NBAS: variants seen among roughly 807,000 people sequenced by gnomAD.
The protein encoded by NBAS is NAG/BC035112 fusion.
A neutral mutation model predicts 302.5 loss-of-function variants in NBAS; 219 were observed. The observed-to-expected ratio is 0.72, with a 90% CI of 0.65 to 0.81. The LOEUF (loss-of-function observed/expected upper bound fraction) is 0.81, where lower values mean the gene tolerates loss of function less well. Ranked by LOEUF, NBAS falls within the 30% of genes least tolerant of loss-of-function variation. NBAS has a pLI of 0.00. For synonymous variants in NBAS, 1,118 were observed against 1,021.6 expected (o/e 1.09, Z -1.80); for missense variants, 2,932 against 2,841.6 (o/e 1.03, Z -0.72).
chr2:14,934,935 G>A, the NBAS span, among the ~76,000 whole-genome samples: 7 of 152,132 alleles, frequency 4.6e-5, no homozygotes, highest in African/African-American at 1.7e-4. Context: ...TAGATCACAT[G>A]TATTTTTCTC....
Position 15,167,219 on chromosome 2 carries a change from G to A in NBAS, c.6945C>T (p.His2315=), listed in dbSNP as rs200477125. Reference sequence around the variant, plus strand: ...GCCCTTGCTGGAGGCTAGCCAAGAGGTGGTCAACAATACGTGGATAGAAGG... The same window carrying A: ...GCCCTTGCTGGAGGCTAGCCAAGAGATGGTCAACAATACGTGGATAGAAGG... ...STPFYPRIVD[H]LLASLQQGRW... is the part of the protein sequence containing the mutation. The change falls in exon 52 of 52, where the codon CAC becomes CAT. Residue 2315 remains histidine (H), a synonymous_variant. Coordinates refer to ENST00000281513, the MANE Select transcript of NBAS (RefSeq NM_015909.4). 3.0e-5 allele frequency: 49 copies of A among 1,614,274 alleles called. No individual in the cohort carries two copies. The East Asian group carries it at 1.1e-3, about 35-fold the overall frequency.
chr2:15,071,861 G>A, the NBAS span, among the ~76,000 whole-genome samples: 9 of 152,212 alleles, frequency 5.9e-5, no homozygotes, highest in South Asian at 8.3e-4. Context: ...TCTACACAGC[G>A]GCTTTTCCAC....
rs554270842 is a variant in NBAS at position 15,402,049 on chromosome 2, C to T, written c.3071+119G>A. The T allele has an allele frequency of 3.4e-4, 360 of 1,063,262 alleles. No homozygotes were observed. In the African/African-American group the frequency reaches 3.9e-3, roughly 12 times the overall value. The allele number at this position is 1,063,262 out of a possible 1,614,324, so 65.9% of individuals were successfully genotyped here. ...GGATTGCAGATAATTTTATTTTCTT[C>T]CTTATGTTTTTTTCACATTCCCAAA... On this transcript the variant is annotated intron_variant, in intron 26 of 51. Transcript: ENST00000281513.
chr2:15,496,062 G>T (rs750583940), intron 11 of NBAS, among the ~76,000 whole-genome samples: 4 of 148,852 alleles, frequency 2.7e-5, no homozygotes, highest in Non-Finnish European at 5.9e-5. Context: ...CACTGTGTGT[G>T]TGTATATATA....
At chr2:15,538,794 T>G (rs916644230) in intron 7 of NBAS, among the ~76,000 whole-genome samples, 5 of 152,224 alleles carry the variant, frequency 3.3e-5, no homozygotes, top group Non-Finnish European at 7.3e-5. Flanking sequence ...TCATAATATA[T>G]ATCAAAGGCA....
At chr2:15,248,729 T>A (rs1302627321) in intron 44 of NBAS, among the ~76,000 whole-genome samples, 1 of 152,220 alleles carries the variant, frequency 6.6e-6, no homozygotes, top group Non-Finnish European at 1.5e-5. Flanking sequence ...AATGGATAAA[T>A]TCCTGGACAC....
intron 21 of NBAS, among the ~76,000 whole-genome samples, chr2:15,439,179 T>G (rs996710438): frequency 2.0e-5 from 3 of 151,740 alleles, no homozygotes; most frequent in Admixed American, 2.0e-4. Context: ...GGCAGGCACC[T>G]GCAGTCCCAG....
chr2:15,379,896 G>A, intron 29 of NBAS, 65 bp from the exon 30 acceptor site: 3 of 1,462,872 alleles, frequency 2.1e-6, no homozygotes, highest in South Asian at 1.1e-5. Context: ...GTGAAATGAA[G>A]GCTCTGAAAT....
chr2:15,209,134 G>A (rs1317469525), intron 48 of NBAS, among the ~76,000 whole-genome samples: 2 of 152,072 alleles, frequency 1.3e-5, no homozygotes, highest in Non-Finnish European at 2.9e-5. Context: ...CAATACTGCA[G>A]AAACTCAAAG....
At chr2:15,353,733 A>C (rs960529012) in intron 33 of NBAS, 23 bp from the exon 34 acceptor site, 1 of 1,613,864 alleles carries the variant, frequency 6.2e-7, no homozygotes, top group Non-Finnish European at 8.5e-7. Context: ...CAAGGAAAAA[A>C]ATGATTCCCA....
rs747552842 is a variant in NBAS, at chr2:15,365,185, CTT to C, written c.3817+1393_3817+1394del. On this transcript the variant is annotated intron_variant, in intron 32 of 51. Transcript: ENST00000281513. ...CACAGTACGTAGCAGAAAAATATTA[CTT>C]TCTCTCTTCCCATTAAAAACTCATA... 1.3e-3 allele frequency among the ~76,000 whole-genome samples: 205 copies of C among 152,296 alleles called. 5 individuals carry two copies. Among genetic ancestry groups the C allele is most frequent in the Non-Finnish European group, 5.3e-4 (36 of 68,022 alleles).
At chr2:15,250,472 C>A (rs1035122620) in intron 44 of NBAS, among the ~76,000 whole-genome samples, 2 of 152,072 alleles carry the variant, frequency 1.3e-5, no homozygotes, top group East Asian at 3.9e-4. Context: ...TGGAATCTAA[C>A]TAAACTAAAG....
chr2:14,786,881 A>G, the NBAS span, among the ~76,000 whole-genome samples: 23 of 151,986 alleles, frequency 1.5e-4, no homozygotes, highest in African/African-American at 3.6e-4. Context: ...TATCCTTGTT[A>G]ACTTTCTGTC....
At chr2:14,999,652 T>C in the NBAS span, among the ~76,000 whole-genome samples, 4 of 152,218 alleles carry the variant, frequency 2.6e-5, no homozygotes, top group Non-Finnish European at 5.9e-5. Flanking sequence ...TCCCCAGCCA[T>C]GCCTCCTGAA....
chr2:15,281,058 A>G (rs1669803051), intron 42 of NBAS, among the ~76,000 whole-genome samples: 1 of 152,164 alleles, frequency 6.6e-6, no homozygotes, highest in African/African-American at 2.4e-5. Context: ...TTTCAAGAAC[A>G]CCCAGGGAGT....
chr2:15,102,782 C>T, the NBAS span, among the ~76,000 whole-genome samples: 2 of 152,146 alleles, frequency 1.3e-5, no homozygotes, highest in Non-Finnish European at 2.9e-5. Context: ...ACCTAGAAAA[C>T]TAATTAGTAT....
At chr2:15,403,918 T>C (rs1485757701) in intron 25 of NBAS, among the ~76,000 whole-genome samples, 1 of 151,236 alleles carries the variant, frequency 6.6e-6, no homozygotes, top group African/African-American at 2.4e-5. Context: ...CTTTTTTTTT[T>C]TTTCCAGATA....
intron 12 of NBAS, among the ~76,000 whole-genome samples, chr2:15,488,434 A>T (rs1680723701): frequency 6.6e-6 from 1 of 152,196 alleles, no homozygotes; most frequent in Non-Finnish European, 1.5e-5. Context: ...AAAGAGTTCC[A>T]TCCTTCTCTA....
intron 40 of NBAS, among the ~76,000 whole-genome samples, chr2:15,300,894 A>C (rs536394489): frequency 9.2e-5 from 14 of 152,324 alleles, no homozygotes; most frequent in African/African-American, 3.4e-4. Flanking sequence ...GGGGAACTGG[A>C]TCTGCATGTG....
Sources: allele counts gnomAD v4.1 joint callset (sites outside exome capture counted in the v4.1 genomes callset), GRCh38; gene constraint gnomAD v4.1.1; transcripts MANE v1.5; gene names NCBI Gene and HGNC (gene_info 2026-07-23, HGNC 2026-07-21).